CDH7: variants seen among roughly 807,000 people sequenced by gnomAD.
CDH7 encodes cadherin 7, also known as cadherin-7.
In CDH7, 25 loss-of-function variants were observed where a neutral mutation model predicts 71.8. That is an observed-to-expected ratio of 0.35 (90% confidence interval 0.25 to 0.49). The LOEUF (loss-of-function observed/expected upper bound fraction) is 0.49. CDH7 is among the 20% of genes least tolerant of loss of function. The pLI, the probability that CDH7 is intolerant of heterozygous loss-of-function variation, is 0.99. For synonymous variants in CDH7, 381 were observed against 363.8 expected, an observed-to-expected ratio of 1.05 and a Z score of -0.54; for missense variants, 862 against 974.6, an observed-to-expected ratio of 0.88 and a Z score of 1.54.
intron 3 of CDH7, among the ~76,000 whole-genome samples, chr18:65,813,248 C>G (rs1464575444): frequency 1.3e-5 from 2 of 152,216 alleles, no homozygotes; most frequent in African/African-American, 2.4e-5. Flanking sequence ...AGGAGAATCA[C>G]TTGAACCTGC....
At chr18:65,858,871 A>T in intron 8 of CDH7, 54 bp from the exon 9 acceptor site, 2 of 1,540,932 alleles carry the variant, frequency 1.3e-6, no homozygotes, top group Non-Finnish European at 1.8e-6. Context: ...TATTATTAGA[A>T]TTGTGCTTTA....
intron 7 of CDH7, among the ~76,000 whole-genome samples, chr18:65,853,071 C>T (rs1439815529): frequency 1.3e-5 from 2 of 152,124 alleles, no homozygotes; most frequent in Non-Finnish European, 2.9e-5. Flanking sequence ...GGGGCAGAAG[C>T]TTAACTGCTG....
intron 2 of CDH7, among the ~76,000 whole-genome samples, chr18:65,793,164 G>T (rs1287697723): frequency 1.3e-5 from 2 of 152,070 alleles, no homozygotes; most frequent in Non-Finnish European, 2.9e-5. Flanking sequence ...CTGAGGCCAG[G>T]CGCAGAGGCT....
intron 6 of CDH7, among the ~76,000 whole-genome samples, chr18:65,837,110 G>GA (rs1428393170): frequency 6.6e-6 from 1 of 152,092 alleles, no homozygotes; most frequent in Admixed American, 6.5e-5. Flanking sequence ...TTCTTCTGTA[G>GA]AAAATATAAT....
At chr18:65,798,150 A>G (rs1432666686) in intron 2 of CDH7, among the ~76,000 whole-genome samples, 3 of 152,204 alleles carry the variant, frequency 2.0e-5, no homozygotes, top group African/African-American at 7.2e-5. Flanking sequence ...AGAACACCAG[A>G]ATGAATTCTT....
intron 6 of CDH7, 137 bp from the exon 7 acceptor site, chr18:65,843,671 GTTAT>G (rs1912817385): frequency 1.5e-6 from 1 of 668,778 alleles, no homozygotes; most frequent in Non-Finnish European, 2.3e-6. Flanking sequence ...GATTGGCATT[GTTAT>G]TTATTATTTT....
In CDH7 at chr18:65,888,072, A is replaced by G. The variant is rs1048934689; in HGVS notation, c.*7178A>G. ...CTTGGAAATGAGACATGAAGCATAA[A>G]ACCTGGGGTCAGGATGTATGTCCAA... On this transcript the variant is annotated 3_prime_UTR_variant, in exon 12 of 12. Transcript: ENST00000397968. 1 of 152,166 alleles carries G rather than the reference A, an allele frequency of 6.6e-6. No homozygotes were observed. Among genetic ancestry groups the G allele is most frequent in the African/African-American group, 2.4e-5 (1 of 41,446 alleles). The allele number at this position is 152,166 out of a possible 1,614,324, so 9.4% of individuals were successfully genotyped here.
intron 2 of CDH7, among the ~76,000 whole-genome samples, chr18:65,782,165 C>CTTTCTTT (rs1568182737): frequency 4.3e-4 from 11 of 25,518 alleles, no homozygotes; most frequent in Non-Finnish European, 6.8e-4. Flanking sequence ...TTTCTTTCTT[C>CTTTCTTT]CTTTCTTTCT....
In CDH7 at chr18:65,850,774, G is replaced by C. The variant is rs111367535; in HGVS notation, c.1235+6709G>C. The stretch of plus-strand genomic sequence containing the variant: ...GGGTGAGGATACAGGCAAGGTGTCT[G>C]CTATCATTAAGCTCAGAAATCAATA... On this transcript the variant is annotated intron_variant, in intron 7 of 11. Coordinates refer to ENST00000397968, the MANE Select transcript of CDH7 (RefSeq NM_004361.5). Among the ~76,000 whole-genome samples, 112 of 151,392 alleles carry C rather than the reference G, an allele frequency of 7.4e-4. 1 individual carries two copies. Among genetic ancestry groups the C allele is most frequent in the Middle Eastern group, 3.5e-3 (1 of 288 alleles).
intron 2 of CDH7, among the ~76,000 whole-genome samples, chr18:65,785,072 A>G (rs1193132982): frequency 1.3e-5 from 2 of 152,166 alleles, no homozygotes; most frequent in East Asian, 3.9e-4. Context: ...TTTTTAGTTA[A>G]CTAGAAGTTT....
chr18:65,814,171 G>C (rs1182778992), intron 3 of CDH7, among the ~76,000 whole-genome samples: 2 of 151,938 alleles, frequency 1.3e-5, no homozygotes, highest in Non-Finnish European at 2.9e-5. Flanking sequence ...TGAGCCCAAT[G>C]GATGAGACAC....
At chr18:65,801,781 T>C (rs909235345) in intron 2 of CDH7, among the ~76,000 whole-genome samples, 1 of 152,238 alleles carries the variant, frequency 6.6e-6, no homozygotes, top group African/African-American at 2.4e-5. Context: ...GAAAATTCTC[T>C]CTTTAGATGA....
At chr18:65,854,920 C>CAT (rs1555689652) in intron 7 of CDH7, among the ~76,000 whole-genome samples, 110 of 145,546 alleles carry the variant, frequency 7.6e-4, no homozygotes, top group African/African-American at 2.7e-3. Context: ...TATGTGTACA[C>CAT]ATATATATAT....
At chr18:65,766,885 TAAAAAAAAAA>T (rs61611288) in intron 2 of CDH7, among the ~76,000 whole-genome samples, 29 of 88,626 alleles carry the variant, frequency 3.3e-4, no homozygotes, top group Non-Finnish European at 4.1e-4. Context: ...CTGTCTGACG[TAAAAAAAAAA>T]AAAAAAAAAA....
intron 2 of CDH7, among the ~76,000 whole-genome samples, chr18:65,785,842 A>T (rs2143845390): frequency 6.6e-6 from 1 of 152,334 alleles, no homozygotes; most frequent in East Asian, 1.9e-4. Context: ...AAATTAAAAC[A>T]AAATTAAACT....
intron 7 of CDH7, among the ~76,000 whole-genome samples, chr18:65,854,939 A>ACC (rs1491177675): frequency 2.9e-5 from 3 of 104,870 alleles, no homozygotes; most frequent in Non-Finnish European, 4.6e-5. Context: ...ATATACACAC[A>ACC]CATATATATA....
chr18:65,878,363 T>C (rs973804824), intron 11 of CDH7, among the ~76,000 whole-genome samples: 1 of 152,206 alleles, frequency 6.6e-6, no homozygotes, highest in Non-Finnish European at 1.5e-5. Context: ...TGACTATTAT[T>C]ATCATATATT....
At chr18:65,831,931 T>A (rs1024431260) in intron 6 of CDH7, among the ~76,000 whole-genome samples, 1 of 152,094 alleles carries the variant, frequency 6.6e-6, no homozygotes, top group Non-Finnish European at 1.5e-5. Context: ...TTGGTTGGTC[T>A]CCCAGTCCCT....
intron 2 of CDH7, among the ~76,000 whole-genome samples, chr18:65,795,207 AT>A (rs879356123): frequency 1.1e-4 from 17 of 152,008 alleles, no homozygotes; most frequent in Admixed American, 4.6e-4. Context: ...ATGATTACTA[AT>A]TTTTTTTATA....
Sources: allele counts gnomAD v4.1 joint callset (sites outside exome capture counted in the v4.1 genomes callset), GRCh38; gene constraint gnomAD v4.1.1; transcripts MANE v1.5; gene names NCBI Gene and HGNC (gene_info 2026-07-23, HGNC 2026-07-21).